PTPRD: variants seen among roughly 807,000 people sequenced by gnomAD.
PTPRD encodes the protein protein tyrosine phosphatase receptor type D.
Under a neutral mutation model 214.5 loss-of-function variants are expected in PTPRD, and 34 were observed. The observed-to-expected ratio is 0.16, with a 90% CI of 0.12 to 0.21. The LOEUF (loss-of-function observed/expected upper bound fraction) is 0.21. Among genes scored for constraint, PTPRD ranks in the 10% least tolerant of loss-of-function variants. PTPRD has a pLI of 1.00. For synonymous variants in PTPRD, 1,128 were observed against 845.7 expected (o/e 1.33, Z -5.79); for missense variants, 2,545 against 2,398.7 (o/e 1.06, Z -1.27).
intron 3 of PTPRD, among the ~76,000 whole-genome samples, chr9:10,279,325 C>T (rs76036412): frequency 0.065 from 9,878 of 152,106 alleles, 743 homozygotes; most frequent in Admixed American, 0.17. Flanking sequence ...TTTTTAATTA[C>T]GTTAGACATA....
At chr9:9,209,384 T>A (rs1406871620) in intron 9 of PTPRD, among the ~76,000 whole-genome samples, 1 of 152,214 alleles carries the variant, frequency 6.6e-6, no homozygotes, top group African/African-American at 2.4e-5. Flanking sequence ...TCAATCAGCC[T>A]CACTGTGTTG....
chr9:9,490,045 A>G (rs1019812164), intron 8 of PTPRD, among the ~76,000 whole-genome samples: 7 of 152,112 alleles, frequency 4.6e-5, no homozygotes, highest in Non-Finnish European at 8.8e-5. Context: ...GATCCTCCAT[A>G]AGATTATGTG....
At chr9:10,262,241 A>G (rs1203948235) in intron 3 of PTPRD, among the ~76,000 whole-genome samples, 2 of 152,218 alleles carry the variant, frequency 1.3e-5, no homozygotes, top group East Asian at 1.9e-4. Flanking sequence ...AGAATAAACA[A>G]TATTTTGAAA....
At chr9:8,820,146 T>C (rs1227750520) in intron 11 of PTPRD, among the ~76,000 whole-genome samples, 1 of 152,198 alleles carries the variant, frequency 6.6e-6, no homozygotes, top group Non-Finnish European at 1.5e-5. Flanking sequence ...TATATACATA[T>C]ATGTTTATAT....
At chr9:8,441,861 G>A (rs941227480) in intron 34 of PTPRD, among the ~76,000 whole-genome samples, 4 of 152,186 alleles carry the variant, frequency 2.6e-5, no homozygotes, top group Admixed American at 6.5e-5. Flanking sequence ...CCCATACCCC[G>A]TACACTCTCA....
intron 2 of PTPRD, among the ~76,000 whole-genome samples, chr9:10,355,325 A>G (rs2097256679): frequency 6.6e-6 from 1 of 152,154 alleles, no homozygotes; most frequent in African/African-American, 2.4e-5. Flanking sequence ...GAACTACTCA[A>G]GGTACTCAGA....
intron 12 of PTPRD, among the ~76,000 whole-genome samples, 198 bp from the exon 13 acceptor site, chr9:8,637,042 G>C (rs988308207): frequency 6.6e-6 from 1 of 151,984 alleles, no homozygotes; most frequent in Non-Finnish European, 1.5e-5. Flanking sequence ...ATAACTTTCT[G>C]GTTAAGTTAT....
At chr9:10,089,415 T>TA in intron 3 of PTPRD, among the ~76,000 whole-genome samples, 1 of 151,432 alleles carries the variant, frequency 6.6e-6, no homozygotes, top group Admixed American at 6.6e-5. Context: ...GTATGGCATG[T>TA]AAAAAAATGT....
At chr9:10,010,764 A>G (rs7852398) in intron 4 of PTPRD, among the ~76,000 whole-genome samples, 142,012 of 151,964 alleles carry the variant, frequency 0.93, 66,502 homozygotes, top group African/African-American at 0.98. Context: ...TATGGTAATG[A>G]GGAGACCAAA....
intron 11 of PTPRD, among the ~76,000 whole-genome samples, chr9:8,938,412 C>A (rs1041765131): frequency 3.9e-5 from 6 of 152,166 alleles, no homozygotes; most frequent in Admixed American, 3.3e-4. Context: ...GACATATAAT[C>A]ACATAATAAA....
intron 3 of PTPRD, among the ~76,000 whole-genome samples, chr9:10,122,512 A>T (rs2098784213): frequency 6.6e-6 from 1 of 152,074 alleles, no homozygotes; most frequent in East Asian, 1.9e-4. Flanking sequence ...CTGGAAGGTT[A>T]TGAAGAATAA....
At chr9:9,372,118 G>T (rs2059677468) in intron 9 of PTPRD, among the ~76,000 whole-genome samples, 1 of 152,140 alleles carries the variant, frequency 6.6e-6, no homozygotes, top group African/African-American at 2.4e-5. Context: ...TTCTGTAGAT[G>T]TCTATTAGGT....
chr9:10,172,590 C>T (rs945448982), intron 3 of PTPRD, among the ~76,000 whole-genome samples: 15 of 152,112 alleles, frequency 9.9e-5, no homozygotes, highest in Non-Finnish European at 2.1e-4. Flanking sequence ...ACATTTGATG[C>T]GGCTGGTTAA....
intron 3 of PTPRD, among the ~76,000 whole-genome samples, chr9:10,182,338 G>A: frequency 6.7e-6 from 1 of 148,940 alleles, no homozygotes; most frequent in Non-Finnish European, 1.5e-5. Flanking sequence ...TTTAACCAAA[G>A]TGCATCACAG....
intron 17 of PTPRD, among the ~76,000 whole-genome samples, chr9:8,525,807 T>G (rs1807506642): frequency 6.6e-6 from 1 of 152,072 alleles, no homozygotes; most frequent in Non-Finnish European, 1.5e-5. Flanking sequence ...ATTAGCAGTG[T>G]GGTGTCACAA....
At chr9:8,412,147 A>G (rs1453044324) in intron 35 of PTPRD, among the ~76,000 whole-genome samples, 2 of 152,170 alleles carry the variant, frequency 1.3e-5, no homozygotes, top group Non-Finnish European at 2.9e-5. Context: ...TGTGCCTGTA[A>G]TCCCACCTAC....
At chr9:9,477,545 C>G (rs2095149755) in intron 8 of PTPRD, among the ~76,000 whole-genome samples, 1 of 152,152 alleles carries the variant, frequency 6.6e-6, no homozygotes, top group Non-Finnish European at 1.5e-5. Context: ...ATTTTACTAT[C>G]CATATCACTG....
intron 2 of PTPRD, among the ~76,000 whole-genome samples, chr9:10,535,089 C>T (rs564257732): frequency 1.4e-4 from 22 of 152,252 alleles, no homozygotes; most frequent in Admixed American, 4.6e-4. Flanking sequence ...GGAGCTTCAG[C>T]AGCCTGAATG....
Position 9,247,162 on chromosome 9 carries a change from T to C in PTPRD, c.-202-63799A>G, listed in dbSNP as rs531584645. Among the ~76,000 whole-genome samples the C allele has an allele frequency of 8.5e-5, 13 of 152,204 alleles. No individual in the cohort carries two copies. In the Middle Eastern group the frequency reaches 0.017, roughly 199 times the overall value. On this transcript the variant is annotated intron_variant, in intron 9 of 45. Coordinates refer to ENST00000381196, the MANE Select transcript of PTPRD (RefSeq NM_002839.4). ...AAAGAAATTCTTTGAGCTACTCTTG[T>C]CTGATAGCAGGTCATAAGACTCTCA...
Sources: allele counts gnomAD v4.1 joint callset (sites outside exome capture counted in the v4.1 genomes callset), GRCh38; gene constraint gnomAD v4.1.1; transcripts MANE v1.5; gene names NCBI Gene and HGNC (gene_info 2026-07-23, HGNC 2026-07-21).